Variants in AGBL4 observed in about 807,000 individuals in gnomAD.
AGBL4 encodes the protein cytosolic carboxypeptidase 6.
A neutral mutation model predicts 66.4 loss-of-function variants in AGBL4; 58 were observed. The ratio of observed to expected loss-of-function variants is 0.87; its 90% CI spans 0.71 to 1.09. The LOEUF (loss-of-function observed/expected upper bound fraction) is 1.09, where lower values mean the gene tolerates loss of function less well. AGBL4 is among the 50% of genes least tolerant of loss of function. The pLI, the probability that AGBL4 is intolerant of heterozygous loss-of-function variation, is 0.00. For synonymous variants in AGBL4, 234 were observed against 222.9 expected (o/e 1.05, Z -0.44); for missense variants, 579 against 631.0 (o/e 0.92, Z 0.88).
chr1:49,471,762 C>T (rs1557972230), intron 3 of AGBL4, among the ~76,000 whole-genome samples: 2 of 151,728 alleles, frequency 1.3e-5, no homozygotes, highest in Non-Finnish European at 2.9e-5. Flanking sequence ...TAGCCAACAC[C>T]ACAGAAAAAA....
intron 6 of AGBL4, among the ~76,000 whole-genome samples, chr1:48,771,846 A>T (rs1478957833): frequency 1.3e-5 from 2 of 152,202 alleles, no homozygotes; most frequent in Non-Finnish European, 2.9e-5. Context: ...CAATAAGAAC[A>T]TGGCTTTGGA....
rs1012293403 is a variant in AGBL4, at chr1:49,859,605, T to C, written c.35-8087A>G. ...CTTGACATGATAAAAGGAATCTTTA[T>C]ATCTTTATCTTACATAATATGTAAT... On this transcript the variant is annotated intron_variant, in intron 1 of 13. Coordinates refer to ENST00000371839, the MANE Select transcript of AGBL4 (RefSeq NM_032785.4). 3.5e-4 allele frequency among the ~76,000 whole-genome samples: 54 copies of C among 152,262 alleles called. 1 individual carries two copies. Among genetic ancestry groups the C allele is most frequent in the Admixed American group, 3.3e-3 (50 of 15,290 alleles).
At chr1:49,631,225 G>A (rs1198447846) in intron 3 of AGBL4, among the ~76,000 whole-genome samples, 1 of 152,092 alleles carries the variant, frequency 6.6e-6, no homozygotes, top group Non-Finnish European at 1.5e-5. Flanking sequence ...CTTTGTACGG[G>A]CATTTAAACA....
At chr1:48,695,032 A>G (rs1165910813) in intron 6 of AGBL4, among the ~76,000 whole-genome samples, 1 of 152,114 alleles carries the variant, frequency 6.6e-6, no homozygotes. Context: ...CTGTTCAAGG[A>G]TTACACTATG....
Position 49,276,511 on chromosome 1 carries a change from T to C in AGBL4, c.283-30647A>G, listed in dbSNP as rs564055814. 4.6e-5 allele frequency among the ~76,000 whole-genome samples: 7 copies of C among 152,324 alleles called. 1 individual carries two copies. In the East Asian group the frequency reaches 1.3e-3, roughly 29 times the overall value. The stretch of plus-strand genomic sequence containing the variant: ...TGACCCTATAAAGCTGTCTTTTGTA[T>C]AGGAAACTTGTGTCTGTAGACAATC... On this transcript the variant is annotated intron_variant, in intron 3 of 13. Transcript: ENST00000371839.
intron 3 of AGBL4, among the ~76,000 whole-genome samples, chr1:49,264,269 GTTATT>G (rs1307872688): frequency 2.6e-5 from 4 of 151,860 alleles, no homozygotes; most frequent in African/African-American, 9.7e-5. Flanking sequence ...GTGCTTTTAT[GTTATT>G]TTATGTATAT....
intron 3 of AGBL4, among the ~76,000 whole-genome samples, chr1:49,281,329 C>T (rs1234865492): frequency 3.3e-5 from 5 of 152,254 alleles, no homozygotes; most frequent in South Asian, 2.1e-4. Context: ...ACTGGTCTGA[C>T]AATGACTCGA....
chr1:48,608,966 T>A (rs900399821), intron 9 of AGBL4, among the ~76,000 whole-genome samples: 4 of 152,212 alleles, frequency 2.6e-5, no homozygotes, highest in African/African-American at 9.6e-5. Context: ...GTTGGCGTTA[T>A]GATCCTCATT....
intron 3 of AGBL4, among the ~76,000 whole-genome samples, chr1:49,490,068 A>G (rs1294562742): frequency 4.6e-5 from 7 of 151,936 alleles, no homozygotes; most frequent in African/African-American, 1.7e-4. Context: ...CCTCACGTGT[A>G]ATGTCAAATA....
At chr1:49,446,551 T>C (rs558545411) in intron 3 of AGBL4, among the ~76,000 whole-genome samples, 2 of 152,298 alleles carry the variant, frequency 1.3e-5, no homozygotes, top group South Asian at 4.1e-4. Flanking sequence ...GAAAGCCAGA[T>C]GGACCAGTAT....
At chr1:49,645,430 A>C (rs1348529980) in intron 3 of AGBL4, among the ~76,000 whole-genome samples, 1 of 151,450 alleles carries the variant, frequency 6.6e-6, no homozygotes, top group Non-Finnish European at 1.5e-5. Context: ...CATGCCAATA[A>C]ATTTTAAAAT....
chr1:49,852,846 C>T (rs1646339715), intron 1 of AGBL4, among the ~76,000 whole-genome samples: 1 of 151,796 alleles, frequency 6.6e-6, no homozygotes, highest in African/African-American at 2.4e-5. Flanking sequence ...TACTCAATCA[C>T]CCCAGCCAGC....
At chr1:49,237,941 C>G (rs1557756245) in intron 4 of AGBL4, among the ~76,000 whole-genome samples, 1 of 151,850 alleles carries the variant, frequency 6.6e-6, no homozygotes, top group Admixed American at 6.6e-5. Flanking sequence ...CTTGATCTCT[C>G]CTTCATTCTT....
chr1:49,939,749 T>A (rs1461615257), intron 1 of AGBL4, among the ~76,000 whole-genome samples: 1 of 152,128 alleles, frequency 6.6e-6, no homozygotes, highest in Non-Finnish European at 1.5e-5. Context: ...ATGAATAACC[T>A]AGAAGAAAAC....
At chr1:49,208,138 C>T (rs1025227074) in intron 4 of AGBL4, among the ~76,000 whole-genome samples, 10 of 152,076 alleles carry the variant, frequency 6.6e-5, no homozygotes, top group Admixed American at 5.9e-4. Flanking sequence ...GGTGTTAACT[C>T]AGTTTTACAG....
At chr1:49,918,839 A>C (rs1323601204) in intron 1 of AGBL4, among the ~76,000 whole-genome samples, 1 of 152,216 alleles carries the variant, frequency 6.6e-6, no homozygotes, top group African/African-American at 2.4e-5. Flanking sequence ...CCTCAATAAA[A>C]TACTGGCAAA....
intron 3 of AGBL4, among the ~76,000 whole-genome samples, chr1:49,372,178 T>A (rs367825761): frequency 6.6e-6 from 1 of 152,188 alleles, no homozygotes; most frequent in Non-Finnish European, 1.5e-5. Context: ...ATTTTGAGCA[T>A]GCAGTATGCA....
intron 9 of AGBL4, among the ~76,000 whole-genome samples, chr1:48,612,124 T>G (rs995788660): frequency 1.3e-5 from 2 of 152,198 alleles, no homozygotes; most frequent in Non-Finnish European, 2.9e-5. Context: ...GCTGCCAGAG[T>G]GTGCTCAATA....
At chr1:48,877,984 G>A (rs1332375516) in intron 5 of AGBL4, among the ~76,000 whole-genome samples, 1 of 151,846 alleles carries the variant, frequency 6.6e-6, no homozygotes, top group Non-Finnish European at 1.5e-5. Context: ...AGGACTAAAT[G>A]GAATATAAAC....
Sources: allele counts gnomAD v4.1 joint callset (sites outside exome capture counted in the v4.1 genomes callset), GRCh38; gene constraint gnomAD v4.1.1; transcripts MANE v1.5; gene names NCBI Gene and HGNC (gene_info 2026-07-23, HGNC 2026-07-21).